The following SCO1 variants were observed in gnomAD, a reference collection of about 807,000 sequenced individuals.
SCO1 encodes cytochrome c oxidase assembly factor SCO1.
A neutral mutation model predicts 34.0 loss-of-function variants in SCO1; 23 were observed. That is an observed-to-expected ratio of 0.68 (90% CI 0.49 to 0.96). SCO1 has a LOEUF of 0.96. Among genes scored for constraint, SCO1 ranks in the 40% least tolerant of loss-of-function variants. The pLI is 0.00. For synonymous variants in SCO1, 161 were observed against 145.5 expected (o/e 1.11, Z -0.77); for missense variants, 404 against 381.6 (o/e 1.06, Z -0.49).
At chr17:10,693,443 A>G (rs770797742) in intron 2 of SCO1, among the ~76,000 whole-genome samples, 74 of 152,220 alleles carry the variant, frequency 4.9e-4, no homozygotes, top group Non-Finnish European at 9.6e-4. Context: ...AGAGAGTTAC[A>G]ATAGGAAACA....
In SCO1 at chr17:10,672,508, T is replaced by C. The variant is rs1395373767; in HGVS notation, c.*8611A>G. On this transcript the variant is annotated 3_prime_UTR_variant, in exon 6 of 6. Transcript: ENST00000255390. ...AGTAAGGTTTATTGAGGTATGTATA[T>C]TACAATTCACCCTTTTAAAGTGCGC... The C allele has an allele frequency of 6.6e-6, 1 of 152,180 alleles. No individual in the cohort carries two copies. Among genetic ancestry groups the C allele is most frequent in the Non-Finnish European group, 1.5e-5 (1 of 68,032 alleles). The allele number at this position is 152,180 out of a possible 1,614,324, so 9.4% of individuals were successfully genotyped here.
At chr17:10,695,988 G>A (rs2074720800) in intron 1 of SCO1, among the ~76,000 whole-genome samples, 157 bp from the exon 2 acceptor site, 2 of 150,162 alleles carry the variant, frequency 1.3e-5, no homozygotes, top group South Asian at 4.2e-4. Context: ...AAGTTTCTGT[G>A]GATGCAGTTA....
rs775960082 is a variant in SCO1, at chr17:10,686,772, T to A, written c.726A>T (p.Arg242Ser). ...EEVDQVARAY[R>S]VYYSPGPKDE... ...CCTTGGGGCCAGGGCTGTAATACAC[T>A]CTGTATGCTCTGGCCACTTGATCGA... is the stretch of plus-strand genomic sequence containing the variant. The change falls in exon 5 of 6, where the codon AGA (arginine) becomes AGT (serine). Residue 242 changes from arginine (R) to serine (S), a missense_variant. Coordinates refer to ENST00000255390, the MANE Select transcript of SCO1 (RefSeq NM_004589.4). 3 of 1,613,960 alleles carry A rather than the reference T, an allele frequency of 1.9e-6. No individual in the cohort carries two copies. The highest frequency in any genetic ancestry group is 2.5e-6 in the Non-Finnish European group (3 of 1,179,876).
intron 5 of SCO1, among the ~76,000 whole-genome samples, chr17:10,683,437 T>TTAAA (rs2074634446): frequency 6.6e-6 from 1 of 152,128 alleles, no homozygotes; most frequent in Non-Finnish European, 1.5e-5. Flanking sequence ...GTATATAACT[T>TTAAA]TAAATGTGAG....
chr17:10,696,860 G>A (rs1376194681), intron 1 of SCO1, among the ~76,000 whole-genome samples: 1 of 152,104 alleles, frequency 6.6e-6, no homozygotes, highest in Non-Finnish European at 1.5e-5. Flanking sequence ...ATGGAACTCT[G>A]GATGGGGCTC....
At position 10,692,932 on chromosome 17, in the gene SCO1, C is replaced by T. The variant is rs587777220; in HGVS notation, c.394G>A (p.Gly132Ser). 24 of 1,613,916 alleles carry T rather than the reference C, an allele frequency of 1.5e-5. No homozygotes were observed. The highest frequency in any genetic ancestry group is 1.9e-5 in the Non-Finnish European group (22 of 1,180,024). ...KLEKERQRHI[G>S]KPLLGGPFSL... ...AACGGTCCCCCAAGTAAAGGCTTGC[C>T]GATGTGTCGCTGCCGTTCCTTCTCT... is the stretch of plus-strand genomic sequence containing the variant. Residue 132 changes from glycine to serine, a missense_variant, in exon 3 of 6, where the codon GGC (glycine) becomes AGC (serine). Transcript: ENST00000255390.
Position 10,686,761 on chromosome 17 carries a change from C to A in SCO1, c.737G>T (p.Ser246Ile), listed in dbSNP as rs747725034. 2.5e-6 allele frequency: 4 copies of A among 1,613,596 alleles called. No homozygotes were observed. In the Admixed American group the frequency reaches 5.0e-5, roughly 20 times the overall value. The change falls in exon 5 of 6, where the codon AGC becomes ATC. Residue 246 changes from serine to isoleucine, a missense_variant. Physicochemically the swap from Ser to Ile is moderately radical, Grantham distance 142. Coordinates refer to ENST00000255390, the MANE Select transcript of SCO1 (RefSeq NM_004589.4). ...TTCATCTTCGTCCTTGGGGCCAGGG[C>A]TGTAATACACTCTGTATGCTCTGGC... ...QVARAYRVYY[S>I]PGPKDEDEDY...
At chr17:10,695,581 G>C (rs1178772287) in intron 2 of SCO1, 160 bp downstream of exon 2, 1 of 585,592 alleles carries the variant, frequency 1.7e-6, no homozygotes, top group Non-Finnish European at 3.1e-6. Context: ...TAATATTAGG[G>C]GAAGCTGGGT....
intron 2 of SCO1, among the ~76,000 whole-genome samples, chr17:10,694,604 T>C (rs1050085367): frequency 2.0e-5 from 3 of 152,226 alleles, no homozygotes; most frequent in African/African-American, 7.2e-5. Flanking sequence ...TGACGCAACA[T>C]GTCAGCAAAT....
In SCO1 at chr17:10,672,889, T is replaced by C. The variant is rs2074555459; in HGVS notation, c.*8230A>G. 1 of 152,202 alleles carries C rather than the reference T, an allele frequency of 6.6e-6. No homozygotes were observed. Among genetic ancestry groups the C allele is most frequent in the African/African-American group, 2.4e-5 (1 of 41,460 alleles). 9.4% of individuals were successfully genotyped at this position (152,202 alleles called of 1,614,324 possible). ...TACAGTAGGCATTGATTTTTGCATATTTACAACTGGATGCTGAGTAGATAC... is the reference window on the plus strand; with the variant it reads ...TACAGTAGGCATTGATTTTTGCATACTTACAACTGGATGCTGAGTAGATAC... On this transcript the variant is annotated 3_prime_UTR_variant, in exon 6 of 6. Coordinates refer to ENST00000255390, the MANE Select transcript of SCO1 (RefSeq NM_004589.4).
In SCO1 at chr17:10,681,271, G is replaced by T. The variant is rs1245333664; in HGVS notation, c.772-18C>A. ...TGATCCACCTGCAGAGAAAAGGGGG[G>T]AGAGTGTGACAAAGATTACCAAAAT... On this transcript the variant is annotated intron_variant, in intron 5 of 5. Coordinates refer to ENST00000255390, the MANE Select transcript of SCO1 (RefSeq NM_004589.4). The T allele has an allele frequency of 6.2e-7, 1 of 1,613,318 alleles. No homozygotes were observed. Among genetic ancestry groups the T allele is most frequent in the Admixed American group, 1.7e-5 (1 of 59,998 alleles).
At chr17:10,682,692 T>G (rs1428044892) in intron 5 of SCO1, among the ~76,000 whole-genome samples, 1 of 152,240 alleles carries the variant, frequency 6.6e-6, no homozygotes, top group Non-Finnish European at 1.5e-5. Flanking sequence ...TCCTTTGGGT[T>G]GTGACAGAGC....
At chr17:10,690,097 A>G (rs986984394) in intron 4 of SCO1, among the ~76,000 whole-genome samples, 1 of 152,248 alleles carries the variant, frequency 6.6e-6, no homozygotes, top group African/African-American at 2.4e-5. Context: ...AATTAGTAGA[A>G]GAAAACATAG....
rs2074568617 is a variant in SCO1 at position 10,674,568 on chromosome 17, AGGG to A, written c.*6548_*6550del. 6.1e-6 allele frequency: 1 copy of A among 162,934 alleles called. No individual in the cohort carries two copies. Among genetic ancestry groups the A allele is most frequent in the Non-Finnish European group, 1.3e-5 (1 of 75,322 alleles). The allele number at this position is 162,934 out of a possible 1,614,324, so 10.1% of individuals were successfully genotyped here. On this transcript the variant is annotated 3_prime_UTR_variant, in exon 6 of 6. Transcript: ENST00000255390. ...ACTACACTGAGTAGCAAGGCTGTAG[AGGG>A]AGTCTGAGTATTAGCTTTGCTACAA... is the stretch of plus-strand genomic sequence containing the variant.
chr17:10,673,655 G>A lies in SCO1; in HGVS notation c.*7464C>T, dbSNP rs1177317563. ...GGTTCTCAGCAGCCTACTGCACTAG[G>A]GCCAACAGAGATCAAATGATCCTCA... On this transcript the variant is annotated 3_prime_UTR_variant, in exon 6 of 6. Coordinates refer to ENST00000255390, the MANE Select transcript of SCO1 (RefSeq NM_004589.4). The A allele has an allele frequency of 6.6e-6, 1 of 152,166 alleles. No individual in the cohort carries two copies. Among genetic ancestry groups the A allele is most frequent in the Admixed American group, 6.5e-5 (1 of 15,268 alleles). The allele number at this position is 152,166 out of a possible 1,614,324, so 9.4% of individuals were successfully genotyped here.
chr17:10,694,319 T>G (rs1460954769), intron 2 of SCO1, among the ~76,000 whole-genome samples: 1 of 152,188 alleles, frequency 6.6e-6, no homozygotes, highest in East Asian at 1.9e-4. Context: ...GGTAAACAAC[T>G]AGATACAAGG....
At chr17:10,690,007 G>T (rs2074680601) in intron 4 of SCO1, among the ~76,000 whole-genome samples, 1 of 152,154 alleles carries the variant, frequency 6.6e-6, no homozygotes, top group Admixed American at 6.5e-5. Context: ...ATAGTAGAAT[G>T]AAACTAGATC....
rs183622377 is a variant in SCO1, at chr17:10,695,631, G to A, written c.364+110C>T. On this transcript the variant is annotated intron_variant, in intron 2 of 5. Coordinates refer to ENST00000255390, the MANE Select transcript of SCO1 (RefSeq NM_004589.4). The stretch of plus-strand genomic sequence containing the variant: ...ACCTATGCTATCTTTGCAATTTTTT[G>A]GTAAATCTAAAGTTGTTTCAAAACA... 6.9e-4 allele frequency: 529 copies of A among 762,280 alleles called. 2 individuals are homozygous for A. The East Asian group carries it at 0.013, about 18-fold the overall frequency. The allele number at this position is 762,280 out of a possible 1,614,324, so 47.2% of individuals were successfully genotyped here. A position where few individuals can be genotyped will look rare whatever the true frequency, so the allele number is the denominator to read the frequency against.
At chr17:10,696,582 A>G (rs2074729070) in intron 1 of SCO1, among the ~76,000 whole-genome samples, 1 of 152,244 alleles carries the variant, frequency 6.6e-6, no homozygotes, top group African/African-American at 2.4e-5. Flanking sequence ...CCAAAGTAGA[A>G]GAGGAATCTA....
Sources: gnomAD v4.1 joint callset for allele counts (sites outside exome capture counted in the v4.1 genomes callset) on GRCh38, gnomAD v4.1.1 for gene constraint, MANE v1.5 for transcripts, NCBI Gene and HGNC (gene_info 2026-07-23, HGNC 2026-07-21) for gene names.